TLN1: variants seen among roughly 807,000 people sequenced by gnomAD.
TLN1 encodes talin 1, also known as talin-1.
A neutral mutation model predicts 292.3 loss-of-function variants in TLN1; 56 were observed. The ratio of observed to expected loss-of-function variants is 0.19; its 90% CI spans 0.15 to 0.24. The LOEUF is 0.24. Among genes scored for constraint, TLN1 ranks in the 10% least tolerant of loss-of-function variants. The pLI is 1.00. For missense variants in TLN1, 2,433 were observed against 3,248.2 expected (o/e 0.75, Z 6.10); for synonymous variants, 1,119 against 1,253.7 (o/e 0.89, Z 2.27).
chr9:35,720,388 C>T, intron 12 of TLN1, 45 bp downstream of exon 12: 1 of 1,604,666 alleles, frequency 6.2e-7, no homozygotes, highest in Middle Eastern at 1.7e-4. Context: ...CAGGCCTTGC[C>T]TTCTCTACCC....
intron 41 of TLN1, 51 bp from the exon 42 acceptor site, chr9:35,705,902 G>C (rs763106761): frequency 5.0e-6 from 8 of 1,614,132 alleles, no homozygotes; most frequent in Non-Finnish European, 6.8e-6. Context: ...CTCTGCCACT[G>C]TGCTTGGAGG....
chr9:35,720,629 CTTTTTTTTTTT>C lies in TLN1; in HGVS notation c.1207-131_1207-121del. On this transcript the variant is annotated intron_variant, in intron 11 of 56. Transcript: ENST00000314888. The stretch of plus-strand genomic sequence containing the variant: ...AGAAGCTGAGTGTCCATTTCTTTTT[CTTTTTTTTTTT>C]TTTTTGACAAGAAAGGGCTCTGTCA... 4.8e-6 allele frequency: 4 copies of C among 833,106 alleles called. 1 individual carries two copies. Among genetic ancestry groups the C allele is most frequent in the Non-Finnish European group, 3.6e-6 (2 of 554,694 alleles). 51.6% of individuals were successfully genotyped at this position (833,106 alleles called of 1,614,324 possible). A position where few individuals can be genotyped will look rare whatever the true frequency, so the allele number is the denominator to read the frequency against.
At position 35,719,687 on chromosome 9, in the gene TLN1, C is replaced by T; in HGVS notation, c.1578+53G>A. The T allele has an allele frequency of 6.2e-7, 1 of 1,611,692 alleles. No homozygotes were observed. The highest frequency in any genetic ancestry group is 8.5e-7 in the Non-Finnish European group (1 of 1,177,926). On this transcript the variant is annotated intron_variant, in intron 14 of 56. Transcript: ENST00000314888. This position sits in a 1 kb window ranked among gnomAD's most constrained non-coding sequence, Gnocchi z 4.6. ...CTGGTTTGGTTCACCTCATCCCTATCCCTTGGAGTCTCAGCTTCAGTACCA... is the reference window on the plus strand; with the variant it reads ...CTGGTTTGGTTCACCTCATCCCTATTCCTTGGAGTCTCAGCTTCAGTACCA...
Position 35,723,816 on chromosome 9 carries a change from T to C in TLN1, c.782+136A>G, listed in dbSNP as rs764454595. ...CAATGGATGATGGCAACTAAAAGGGTAGCTATGTTGGTCAAACCCTGGTAC... is the reference window on the plus strand; with the variant it reads ...CAATGGATGATGGCAACTAAAAGGGCAGCTATGTTGGTCAAACCCTGGTAC... On this transcript the variant is annotated intron_variant, in intron 7 of 56. Transcript: ENST00000314888. 805 of 1,309,122 alleles carry C rather than the reference T, an allele frequency of 6.1e-4. 2 individuals are homozygous for C. Among genetic ancestry groups the C allele is most frequent in the Non-Finnish European group, 8.1e-4 (760 of 940,628 alleles). The allele number at this position is 1,309,122 out of a possible 1,614,324, so 81.1% of individuals were successfully genotyped here. A position where few individuals can be genotyped will look rare whatever the true frequency, so the allele number is the denominator to read the frequency against.
chr9:35,706,417 T>A lies in TLN1; in HGVS notation c.5190+33A>T. On this transcript the variant is annotated intron_variant, in intron 39 of 56. Coordinates refer to ENST00000314888, the MANE Select transcript of TLN1 (RefSeq NM_006289.4). This position sits in a 1 kb window ranked among gnomAD's most constrained non-coding sequence, Gnocchi z 4.2. ...TCAGGTCCCCTCTCTCTCACCCTAC[T>A]CCCTGGGACTTCCCATGAGTCTCCA... The A allele has an allele frequency of 6.2e-7, 1 of 1,613,882 alleles. No individual in the cohort carries two copies. Among genetic ancestry groups the A allele is most frequent in the Non-Finnish European group, 8.5e-7 (1 of 1,179,856 alleles).
At position 35,724,775 on chromosome 9, in the gene TLN1, T is replaced by C. The variant is rs373653248; in HGVS notation, c.359-51A>G. 78 of 1,613,636 alleles carry C rather than the reference T, an allele frequency of 4.8e-5. No homozygotes were observed. In the African/African-American group the frequency reaches 9.9e-4, roughly 20 times the overall value. ...TTCCCAGGTACTGCATCCATGCCTT[T>C]TGAGAGAGTTGAGGCTTTCTGGCCC... On this transcript the variant is annotated intron_variant, in intron 4 of 56. Coordinates refer to ENST00000314888, the MANE Select transcript of TLN1 (RefSeq NM_006289.4). This position sits in a 1 kb window ranked among gnomAD's most constrained non-coding sequence, Gnocchi z 4.7.
rs776388665 is a variant in TLN1 at position 35,719,081 on chromosome 9, C to A, written c.1889G>T (p.Ser630Ile). 3 of 1,612,332 alleles carry A rather than the reference C, an allele frequency of 1.9e-6. No individual in the cohort carries two copies. The highest frequency in any genetic ancestry group is 1.1e-5 in the South Asian group (1 of 90,962). The stretch of plus-strand genomic sequence containing the variant: ...AAACCTGTGGCCCCTGACCTCAGCA[C>A]TGGCTGGTTGGGCACTGCGCAGCAG... ...SELLRSAQPA[S>I]AEPRQNLLQA... The change falls in exon 16 of 57, where the codon AGT becomes ATT. Residue 630 changes from serine (S) to isoleucine (I), a missense_variant. Ser to Ile is a moderately radical substitution (Grantham distance 142). Coordinates refer to ENST00000314888, the MANE Select transcript of TLN1 (RefSeq NM_006289.4). This position sits in a 1 kb window ranked among gnomAD's most constrained non-coding sequence, Gnocchi z 4.6.
intron 8 of TLN1, among the ~76,000 whole-genome samples, chr9:35,722,597 C>T (rs537864817): frequency 5.9e-5 from 9 of 152,292 alleles, no homozygotes; most frequent in Admixed American, 1.3e-4. Context: ...CAGTCCTACA[C>T]GGGGCAAGTA....
In TLN1 at chr9:35,707,557, G is replaced by A; in HGVS notation, c.4633-69C>T. ...AGGGGGTATAGGAAGTGAAGTCCAG[G>A]TCTCCTTCCTGGGACTTACAGGATT... On this transcript the variant is annotated intron_variant, in intron 35 of 56. Transcript: ENST00000314888. This position sits in a 1 kb window ranked among gnomAD's most constrained non-coding sequence, Gnocchi z 5.6. 1 of 1,590,010 alleles carries A rather than the reference G, an allele frequency of 6.3e-7. No homozygotes were observed. Among genetic ancestry groups the A allele is most frequent in the Non-Finnish European group, 8.6e-7 (1 of 1,164,382 alleles).
At chr9:35,709,115 T>G (rs1825614754) in intron 33 of TLN1, among the ~76,000 whole-genome samples, 1 of 152,166 alleles carries the variant, frequency 6.6e-6, no homozygotes, top group South Asian at 2.1e-4. Flanking sequence ...AGAGGTTTAG[T>G]GAAACCCTGT....
At position 35,714,726 on chromosome 9, in the gene TLN1, C is replaced by G. The variant is rs761121645; in HGVS notation, c.2871+34G>C. The G allele has an allele frequency of 4.3e-6, 7 of 1,611,368 alleles. No homozygotes were observed. Among genetic ancestry groups the G allele is most frequent in the Non-Finnish European group, 5.9e-6 (7 of 1,178,212 alleles). On this transcript the variant is annotated intron_variant, in intron 22 of 56. Transcript: ENST00000314888. The surrounding 1 kb of genome is among the most constrained non-coding windows in gnomAD (Gnocchi z 4.6). ...TGTCATAAGAGACCCACAAGTCTCC[C>G]TCTTCCACTCCCACATCCTTCCTAG...
rs1825512183 is a variant in TLN1, at chr9:35,703,876, C to T, written c.6256G>A (p.Asp2086Asn). 1 of 1,614,226 alleles carries T rather than the reference C, an allele frequency of 6.2e-7. No individual in the cohort carries two copies. The highest frequency in any genetic ancestry group is 8.5e-7 in the Non-Finnish European group (1 of 1,180,050). The change falls in exon 47 of 57, where the codon GAT becomes AAT. Residue 2086 changes from aspartate to asparagine, a missense_variant. Physicochemically the swap from Asp to Asn is conservative, Grantham distance 23. Transcript: ENST00000314888. ...TQVVLINAVKDVAKALGDLIS... is the reference protein window; with the variant it reads ...TQVVLINAVKNVAKALGDLIS... ...AGGTCTCCCAGGGCTTTGGCTACAT[C>T]TTTCACTGCGTTGATTAGTACCACC...
Position 35,725,592 on chromosome 9 carries a change from G to T in TLN1, c.103C>A (p.Arg35=). 6.2e-7 allele frequency: 1 copy of T among 1,613,568 alleles called. No homozygotes were observed. Among genetic ancestry groups the T allele is most frequent in the Non-Finnish European group, 8.5e-7 (1 of 1,179,764 alleles). ...VYDACRIIRE[R]IPEAPAGPPS... is the part of the protein sequence containing the mutation. ...GGACCAGCTGGGGCCTCTGGGATCC[G>T]CTCACGAATGATGCGGCAGGCGTCG... is the stretch of plus-strand genomic sequence containing the variant. Residue 35 remains arginine, a synonymous_variant, in exon 2 of 57, where the codon CGG becomes AGG. Coordinates refer to ENST00000314888, the MANE Select transcript of TLN1 (RefSeq NM_006289.4).
chr9:35,723,103 CTT>C (rs1312066841), intron 7 of TLN1, 182 bp from the exon 8 acceptor site: 4 of 490,944 alleles, frequency 8.1e-6, no homozygotes, highest in African/African-American at 6.4e-5. Context: ...CGTGTAAACT[CTT>C]CTTTTTTTTT....
At position 35,706,940 on chromosome 9, in the gene TLN1, C is replaced by A; in HGVS notation, c.4956-40G>T. ...TGGGCTCCAACACCAAGAACATCCCCTACTGCAAGGCCAGCCTATCCTTCC... is the reference window on the plus strand; with the variant it reads ...TGGGCTCCAACACCAAGAACATCCCATACTGCAAGGCCAGCCTATCCTTCC... On this transcript the variant is annotated intron_variant, in intron 37 of 56. Coordinates refer to ENST00000314888, the MANE Select transcript of TLN1 (RefSeq NM_006289.4). This position sits in a 1 kb window ranked among gnomAD's most constrained non-coding sequence, Gnocchi z 4.2. 1 of 1,611,362 alleles carries A rather than the reference C, an allele frequency of 6.2e-7. No individual in the cohort carries two copies. Among genetic ancestry groups the A allele is most frequent in the Non-Finnish European group, 8.5e-7 (1 of 1,178,758 alleles).
Position 35,707,662 on chromosome 9 carries a change from A to G in TLN1, c.4632+69T>C, listed in dbSNP as rs1825590303. 3.1e-6 allele frequency: 5 copies of G among 1,605,450 alleles called. No individual in the cohort carries two copies. The highest frequency in any genetic ancestry group is 4.3e-6 in the Non-Finnish European group (5 of 1,173,762). ...GGGATTTGGTAGAAGGCTTCAGAGA[A>G]TAACTGGGGGACTCGGGGGAGAAGA... On this transcript the variant is annotated intron_variant, in intron 35 of 56. Transcript: ENST00000314888. The surrounding 1 kb of genome is among the most constrained non-coding windows in gnomAD (Gnocchi z 5.6).
In TLN1 at chr9:35,720,902, A is replaced by G; in HGVS notation, c.1116T>C (p.Asp372=). 1 of 1,613,768 alleles carries G rather than the reference A, an allele frequency of 6.2e-7. No individual in the cohort carries two copies. The highest frequency in any genetic ancestry group is 8.5e-7 in the Non-Finnish European group (1 of 1,179,692). ...SPKSFTLDFG[D]YQDGYYSVQT... is the part of the protein sequence containing the mutation. The stretch of plus-strand genomic sequence containing the variant: ...GTACTGAGTAATAGCCATCTTGGTA[A>G]TCTCCAAAATCCTAGGGTGACAAGT... The change falls in exon 11 of 57, where the codon GAT becomes GAC. Residue 372 remains aspartate (D), a synonymous_variant. Transcript: ENST00000314888.
chr9:35,713,757 AAAG>A (rs951943678), intron 25 of TLN1, among the ~76,000 whole-genome samples, 193 bp downstream of exon 25: 3 of 151,736 alleles, frequency 2.0e-5, no homozygotes, highest in Non-Finnish European at 4.4e-5. Flanking sequence ...GAAAGGAAGA[AAAG>A]AAAGGAAGGA....
rs766317254 is a variant in TLN1 at position 35,719,099 on chromosome 9, C to T, written c.1871G>A (p.Arg624His). 1.8e-5 allele frequency: 29 copies of T among 1,613,434 alleles called. No homozygotes were observed. Among genetic ancestry groups the T allele is most frequent in the East Asian group, 6.7e-5 (3 of 44,896 alleles). Residue 624 changes from arginine (R) to histidine (H), a missense_variant, in exon 16 of 57, where the codon CGC becomes CAC. Physicochemically the swap from Arg to His is conservative, Grantham distance 29. This residue lies in a region of TLN1 where 617 missense variants were observed against 770.6 expected (regional missense o/e 0.80). Transcript: ENST00000314888. The surrounding 1 kb of genome is among the most constrained non-coding windows in gnomAD (Gnocchi z 4.6). ...CTCAGCACTGGCTGGTTGGGCACTG[C>T]GCAGCAGTTCTGACACTGCTCCCGC... ...GLAGAVSELL[R>H]SAQPASAEPR...
Sources: gnomAD v4.1 joint callset for allele counts (sites outside exome capture counted in the v4.1 genomes callset) on GRCh38, gnomAD v4.1.1 for gene constraint, gnomAD v4.1.1 regional missense constraint, Gnocchi (gnomAD v3.1) non-coding constraint, MANE v1.5 for transcripts, NCBI Gene and HGNC (gene_info 2026-07-23, HGNC 2026-07-21) for gene names.